WWOX: variants seen among roughly 807,000 people sequenced by gnomAD.
WWOX encodes the protein WW domain containing oxidoreductase, also known as WW domain-containing oxidoreductase.
In WWOX, 69 loss-of-function variants were observed where a neutral mutation model predicts 46.2. The observed-to-expected ratio is 1.49, with a 90% CI of 1.23 to 1.82. WWOX has a LOEUF of 1.82. WWOX is among the 40% of genes most tolerant of loss of function. WWOX has a pLI of 0.00. For missense variants in WWOX, 919 were observed against 542.6 expected (o/e 1.69, Z -6.89); for synonymous variants, 359 against 202.6 (o/e 1.77, Z -6.56).
At chr16:78,591,211 A>G (rs1406463251) in intron 8 of WWOX, among the ~76,000 whole-genome samples, 1 of 152,174 alleles carries the variant, frequency 6.6e-6, no homozygotes, top group African/African-American at 2.4e-5. Flanking sequence ...GCCTATTGCT[A>G]GAGAACAAAG....
chr16:78,519,095 A>C (rs2043296660), intron 8 of WWOX, among the ~76,000 whole-genome samples: 1 of 152,196 alleles, frequency 6.6e-6, no homozygotes, highest in Non-Finnish European at 1.5e-5. Flanking sequence ...TAGTCTTTGA[A>C]GTGGGGCCAG....
intron 8 of WWOX, among the ~76,000 whole-genome samples, chr16:78,999,992 A>G (rs769282378): frequency 2.6e-5 from 4 of 152,116 alleles, no homozygotes; most frequent in Non-Finnish European, 5.9e-5. Context: ...AAATAATGGC[A>G]TCTATGATCT....
intron 8 of WWOX, among the ~76,000 whole-genome samples, chr16:79,030,557 GAC>G (rs1422920863): frequency 1.3e-5 from 2 of 152,154 alleles, no homozygotes; most frequent in Admixed American, 6.5e-5. Flanking sequence ...TTGCTGTACC[GAC>G]TCATATGAGG....
intron 8 of WWOX, among the ~76,000 whole-genome samples, chr16:79,046,723 C>T (rs1010233543): frequency 1.3e-5 from 2 of 152,168 alleles, no homozygotes; most frequent in African/African-American, 4.8e-5. Context: ...TGCAGCCATT[C>T]AGCTCCCACC....
chr16:78,934,310 C>T (rs1298715367), intron 8 of WWOX, among the ~76,000 whole-genome samples: 1 of 136,022 alleles, frequency 7.4e-6, no homozygotes, highest in Non-Finnish European at 1.5e-5. Flanking sequence ...TGCACTCTAG[C>T]CTGGGCGACA....
rs1165133834 is a variant in WWOX, at chr16:78,405,897, C to T, written c.605+18949C>T. On this transcript the variant is annotated intron_variant, in intron 6 of 8. Transcript: ENST00000566780. ...ACACAGGTGACGAAGTGAGTTTTCC[C>T]TGTCACGCCATCTTATCTGTCACAT... Among the ~76,000 whole-genome samples the T allele has an allele frequency of 3.3e-5, 5 of 152,242 alleles. No homozygotes were observed. The East Asian group carries it at 7.7e-4, about 24-fold the overall frequency.
At chr16:78,932,883 A>G (rs909033269) in intron 8 of WWOX, among the ~76,000 whole-genome samples, 6 of 152,202 alleles carry the variant, frequency 3.9e-5, no homozygotes, top group African/African-American at 1.4e-4. Flanking sequence ...TGGAAGACAG[A>G]TTTAAGTTCC....
chr16:79,091,426 C>G (rs1193551440), intron 8 of WWOX, among the ~76,000 whole-genome samples: 2 of 152,116 alleles, frequency 1.3e-5, no homozygotes, highest in African/African-American at 2.4e-5. Context: ...GCAACATATA[C>G]CAGCTTCCCC....
At chr16:79,149,186 T>C (rs922626907) in intron 8 of WWOX, among the ~76,000 whole-genome samples, 3 of 152,202 alleles carry the variant, frequency 2.0e-5, no homozygotes, top group African/African-American at 7.2e-5. Context: ...AGATGTTCTT[T>C]ATCAAGTTGA....
intron 8 of WWOX, among the ~76,000 whole-genome samples, chr16:78,544,353 G>T (rs568302208): frequency 6.6e-6 from 1 of 152,138 alleles, no homozygotes; most frequent in East Asian, 1.9e-4. Context: ...GCACTCTTCT[G>T]AACATTTTGC....
chr16:78,880,661 C>G (rs147697912), intron 8 of WWOX, among the ~76,000 whole-genome samples: 1 of 152,318 alleles, frequency 6.6e-6, no homozygotes, highest in East Asian at 1.9e-4. Flanking sequence ...AGGGAATTCA[C>G]TTGCCGAACT....
At chr16:78,974,145 TCAAA>T (rs2046526191) in intron 8 of WWOX, among the ~76,000 whole-genome samples, 2 of 152,222 alleles carry the variant, frequency 1.3e-5, no homozygotes, top group Admixed American at 1.3e-4. Context: ...ATTTCACAAA[TCAAA>T]CAATATCAGG....
chr16:78,775,902 T>C (rs1307602807), intron 8 of WWOX, among the ~76,000 whole-genome samples: 1 of 152,212 alleles, frequency 6.6e-6, no homozygotes, highest in African/African-American at 2.4e-5. Context: ...CTGTAAGAGC[T>C]TGAATCCTTC....
Position 79,203,825 on chromosome 16 carries a change from A to C in WWOX, c.1057-7783A>C, listed in dbSNP as rs536456878. 4 of 152,354 alleles carry C rather than the reference A, an allele frequency of 2.6e-5. 1 individual carries two copies. In the South Asian group the frequency reaches 6.2e-4, roughly 24 times the overall value. 9.4% of individuals were successfully genotyped at this position (152,354 alleles called of 1,614,324 possible). On this transcript the variant is annotated intron_variant, in intron 8 of 8. Coordinates refer to ENST00000566780, the MANE Select transcript of WWOX (RefSeq NM_016373.4). The stretch of plus-strand genomic sequence containing the variant: ...TAATTTCAAAGGTTTATTTTGGTGT[A>C]GATGGCGAATACAGATGCATACATT...
intron 8 of WWOX, among the ~76,000 whole-genome samples, chr16:79,144,214 C>G (rs1260604891): frequency 1.3e-5 from 2 of 152,284 alleles, no homozygotes; most frequent in East Asian, 3.9e-4. Flanking sequence ...TCAGCTTTTT[C>G]ACTTCAGCAC....
Position 78,448,136 on chromosome 16 carries a change from A to G in WWOX, c.1056+15384A>G, listed in dbSNP as rs567275220. 4.0e-3 allele frequency among the ~76,000 whole-genome samples: 612 copies of G among 152,268 alleles called. 2 individuals are homozygous for G. The highest frequency in any genetic ancestry group is 6.9e-3 in the Non-Finnish European group (471 of 68,028). ...TATTATTAATAGAAGTTCTGGGACA[A>G]CGGCCCTGCTCTCATTACTTGCCCC... On this transcript the variant is annotated intron_variant, in intron 8 of 8. Coordinates refer to ENST00000566780, the MANE Select transcript of WWOX (RefSeq NM_016373.4).
chr16:78,934,076 T>C (rs559456782), intron 8 of WWOX, among the ~76,000 whole-genome samples: 10 of 151,942 alleles, frequency 6.6e-5, no homozygotes, highest in Admixed American at 2.6e-4. Context: ...TGGCTCATGC[T>C]GGTAATCCCA....
chr16:78,548,216 G>C (rs953236792), intron 8 of WWOX, among the ~76,000 whole-genome samples: 1 of 148,758 alleles, frequency 6.7e-6, no homozygotes, highest in Non-Finnish European at 1.5e-5. Flanking sequence ...TTAATCCGTA[G>C]TACTGATGTG....
At chr16:79,123,043 T>C (rs2049672462) in intron 8 of WWOX, among the ~76,000 whole-genome samples, 1 of 152,190 alleles carries the variant, frequency 6.6e-6, no homozygotes, top group Non-Finnish European at 1.5e-5. Context: ...GGATGGGCCT[T>C]CTCCGCCTTC....
Sources: gnomAD v4.1 joint callset for allele counts (sites outside exome capture counted in the v4.1 genomes callset) on GRCh38, gnomAD v4.1.1 for gene constraint, MANE v1.5 for transcripts, NCBI Gene and HGNC (gene_info 2026-07-23, HGNC 2026-07-21) for gene names.